The following NCKAP5 variants were observed in gnomAD, a reference collection of about 807,000 sequenced individuals.
The protein encoded by NCKAP5 is NCK associated protein 5.
Under a neutral mutation model 167.0 loss-of-function variants are expected in NCKAP5, and 92 were observed. That is an observed-to-expected ratio of 0.55 (90% CI 0.47 to 0.66). The LOEUF is 0.66. Among genes scored for constraint, NCKAP5 ranks in the 30% least tolerant of loss-of-function variants. The probability of loss-of-function intolerance (pLI) is 0.00; values close to 1 mark genes in which losing one functional copy is unlikely to be tolerated. For synonymous variants in NCKAP5, 891 were observed against 877.4 expected (o/e 1.02, Z -0.27); for missense variants, 2,378 against 2,315.0 (o/e 1.03, Z -0.56).
At chr2:132,987,817 G>A (rs2077331402) in intron 7 of NCKAP5, among the ~76,000 whole-genome samples, 1 of 152,164 alleles carries the variant, frequency 6.6e-6, no homozygotes, top group Non-Finnish European at 1.5e-5. Context: ...AATTAAAAGG[G>A]TGCAAAGGAT....
chr2:132,807,463 A>C (rs1408812603), intron 11 of NCKAP5, among the ~76,000 whole-genome samples: 1 of 152,100 alleles, frequency 6.6e-6, no homozygotes, highest in Non-Finnish European at 1.5e-5. Context: ...TTCCTTGTAG[A>C]GGCCTTTTGA....
intron 4 of NCKAP5, among the ~76,000 whole-genome samples, chr2:133,270,211 T>A (rs1173543429): frequency 6.6e-6 from 1 of 152,220 alleles, no homozygotes; most frequent in East Asian, 1.9e-4. Context: ...AATAGACAAT[T>A]GTACCATGAT....
intron 3 of NCKAP5, among the ~76,000 whole-genome samples, chr2:133,455,490 C>T (rs16825163): frequency 0.063 from 9,604 of 152,064 alleles, 527 homozygotes; most frequent in East Asian, 0.24. Context: ...TCAGCATGCT[C>T]TACCCAGTGG....
chr2:133,037,444 C>T (rs567083382), intron 6 of NCKAP5, among the ~76,000 whole-genome samples: 14 of 152,234 alleles, frequency 9.2e-5, no homozygotes, highest in Middle Eastern at 3.4e-3. Flanking sequence ...GGCATAAAAA[C>T]AGACACATAG....
chr2:133,671,214 C>CAAAAAAAAAAAA, the NCKAP5 span, among the ~76,000 whole-genome samples: 41 of 53,884 alleles, frequency 7.6e-4, no homozygotes, highest in Admixed American at 1.2e-3. Flanking sequence ...GACTCCGTCT[C>CAAAAAAAAAAAA]AAAAAAAAAA....
chr2:133,611,812 G>A, the NCKAP5 span, among the ~76,000 whole-genome samples: 1 of 152,212 alleles, frequency 6.6e-6, no homozygotes, highest in South Asian at 2.1e-4. Context: ...TTCAAGTGAC[G>A]AATCTTCTCT....
chr2:133,638,722 G>A, the NCKAP5 span, among the ~76,000 whole-genome samples: 1 of 152,026 alleles, frequency 6.6e-6, no homozygotes, highest in Non-Finnish European at 1.5e-5. Flanking sequence ...AGCCAAGAGT[G>A]GTGGCAGGCA....
chr2:132,754,441 G>A (rs770069966), intron 16 of NCKAP5, among the ~76,000 whole-genome samples: 8 of 152,184 alleles, frequency 5.3e-5, no homozygotes, highest in Non-Finnish European at 1.0e-4. Flanking sequence ...AAATAGTCAT[G>A]TTTATATCTT....
At chr2:133,250,815 A>G (rs561915392) in intron 4 of NCKAP5, among the ~76,000 whole-genome samples, 3 of 152,048 alleles carry the variant, frequency 2.0e-5, no homozygotes, top group Non-Finnish European at 4.4e-5. Flanking sequence ...CTGTAGTCTC[A>G]GCTACTTGGG....
intron 8 of NCKAP5, among the ~76,000 whole-genome samples, chr2:132,939,184 C>G (rs998960375): frequency 6.6e-6 from 1 of 152,184 alleles, no homozygotes; most frequent in Non-Finnish European, 1.5e-5. Flanking sequence ...CTCAAGTCTT[C>G]TCCCCACAGC....
chr2:133,307,325 T>C (rs1484134406), intron 3 of NCKAP5, among the ~76,000 whole-genome samples: 1 of 152,154 alleles, frequency 6.6e-6, no homozygotes, highest in Admixed American at 6.5e-5. Flanking sequence ...CAAACAATGA[T>C]AGAATTTGAG....
At chr2:133,444,412 A>ATG in intron 3 of NCKAP5, among the ~76,000 whole-genome samples, 1 of 151,676 alleles carries the variant, frequency 6.6e-6, no homozygotes, top group Admixed American at 6.6e-5. Flanking sequence ...AGATAGATAT[A>ATG]GATATAGATG....
intron 11 of NCKAP5, among the ~76,000 whole-genome samples, chr2:132,811,792 T>C (rs1685891540): frequency 6.6e-6 from 1 of 152,144 alleles, no homozygotes. Flanking sequence ...CTAGGAAGCG[T>C]CTGGCCCTGT....
intron 11 of NCKAP5, among the ~76,000 whole-genome samples, chr2:132,827,999 A>T (rs1243179398): frequency 6.6e-6 from 1 of 152,180 alleles, no homozygotes; most frequent in Non-Finnish European, 1.5e-5. Context: ...GCACAAACCC[A>T]AGCTGAGGTC....
chr2:132,712,959 T>C (rs1023593267), intron 19 of NCKAP5, among the ~76,000 whole-genome samples: 1 of 152,128 alleles, frequency 6.6e-6, no homozygotes, highest in Non-Finnish European at 1.5e-5. Context: ...AAGTGAATGA[T>C]GGTACAGCCA....
At chr2:133,135,983 A>T (rs2082775252) in intron 5 of NCKAP5, among the ~76,000 whole-genome samples, 1 of 152,216 alleles carries the variant, frequency 6.6e-6, no homozygotes, top group Admixed American at 6.5e-5. Context: ...ATATTTCAAA[A>T]AGTTCAAAAA....
Position 132,783,946 on chromosome 2 carries a change from C to T in NCKAP5, c.2865G>A (p.Lys955=). The T allele has an allele frequency of 6.3e-7, 1 of 1,588,134 alleles. No individual in the cohort carries two copies. Among genetic ancestry groups the T allele is most frequent in the South Asian group, 1.2e-5 (1 of 86,612 alleles). ...YDYSPAPSST[K]SETRVPSETA... ...TTTCACTGGGGACCCTGGTTTCGGA[C>T]TTGGTGGATGAAGGTGCTGGTGAAT... Residue 955 remains lysine, a synonymous_variant, in exon 14 of 20, where the codon AAG becomes AAA. Coordinates refer to ENST00000409261, the MANE Select transcript of NCKAP5 (RefSeq NM_207363.3).
At chr2:133,511,618 C>T (rs1558741141) in intron 3 of NCKAP5, among the ~76,000 whole-genome samples, 1 of 152,212 alleles carries the variant, frequency 6.6e-6, no homozygotes, top group South Asian at 2.1e-4. Flanking sequence ...TTACTTTTCT[C>T]CTAAAAATGG....
intron 3 of NCKAP5, among the ~76,000 whole-genome samples, chr2:133,350,809 T>G (rs111865929): frequency 6.8e-4 from 104 of 152,168 alleles, no homozygotes; most frequent in African/African-American, 2.4e-3. Flanking sequence ...GGAGGATGCA[T>G]AAAAGCCACA....
Sources: gnomAD v4.1 joint callset for allele counts (sites outside exome capture counted in the v4.1 genomes callset) on GRCh38, gnomAD v4.1.1 for gene constraint, MANE v1.5 for transcripts, NCBI Gene and HGNC (gene_info 2026-07-23, HGNC 2026-07-21) for gene names.